Variants in MEIS2 observed in about 807,000 individuals in gnomAD.
MEIS2 encodes homeobox protein Meis2.
In MEIS2, 9 loss-of-function variants were observed where a neutral mutation model predicts 58.6. The ratio of observed to expected loss-of-function variants is 0.15; its 90% confidence interval spans 0.09 to 0.27. MEIS2 has a LOEUF of 0.27. Ranked by LOEUF, MEIS2 falls within the 10% of genes least tolerant of loss-of-function variation. MEIS2 has a pLI of 1.00. For synonymous variants in MEIS2, 221 were observed against 228.4 expected, an observed-to-expected ratio of 0.97 and a Z score of 0.29; for missense variants, 427 against 635.0, an observed-to-expected ratio of 0.67 and a Z score of 3.52.
intron 9 of MEIS2, among the ~76,000 whole-genome samples, chr15:36,940,662 G>A (rs2058343109): frequency 6.6e-6 from 1 of 152,180 alleles, no homozygotes; most frequent in Non-Finnish European, 1.5e-5. Context: ...TGAGAATAGA[G>A]CCAGGGCTCA....
At chr15:36,938,708 T>A (rs895420011) in intron 9 of MEIS2, among the ~76,000 whole-genome samples, 3 of 152,158 alleles carry the variant, frequency 2.0e-5, no homozygotes, top group African/African-American at 7.2e-5. Context: ...TATTTTCAGT[T>A]CACAGGCTTA....
chr15:37,059,634 T>G lies in MEIS2; in HGVS notation c.755-22675A>C, dbSNP rs150652870. Among the ~76,000 whole-genome samples, 276 of 152,082 alleles carry G rather than the reference T, an allele frequency of 1.8e-3. 1 individual carries two copies. The highest frequency in any genetic ancestry group is 6.1e-3 in the African/African-American group (253 of 41,506). ...AGTGTACTGCCTTCTTTTTTTTTTT[T>G]AATTAAAAAATGTACTTTTAGGCAA... On this transcript the variant is annotated intron_variant, in intron 7 of 11. Coordinates refer to ENST00000561208, the MANE Select transcript of MEIS2 (RefSeq NM_170675.5).
chr15:36,944,294 C>T (rs571753003), intron 9 of MEIS2, among the ~76,000 whole-genome samples: 3 of 152,130 alleles, frequency 2.0e-5, no homozygotes, highest in South Asian at 2.1e-4. Flanking sequence ...TCTCTTTCCC[C>T]GCCTTCTTTT....
chr15:37,093,543 A>G, intron 6 of MEIS2, 38 bp downstream of exon 6: 1 of 1,610,480 alleles, frequency 6.2e-7, no homozygotes, highest in South Asian at 1.1e-5. Context: ...TGCTTTGCCC[A>G]GTGGCCTTAA....
chr15:36,998,029 A>C (rs1164898907), intron 8 of MEIS2, among the ~76,000 whole-genome samples: 2 of 152,014 alleles, frequency 1.3e-5, no homozygotes, highest in East Asian at 3.9e-4. Flanking sequence ...TCAAACACTT[A>C]AGGACACTGT....
At chr15:36,969,950 C>G (rs926809391) in intron 8 of MEIS2, among the ~76,000 whole-genome samples, 6 of 151,992 alleles carry the variant, frequency 3.9e-5, no homozygotes, top group Non-Finnish European at 8.8e-5. Context: ...ATACAGGGCC[C>G]TTGTCTTCAA....
intron 3 of MEIS2, chr15:37,095,825 G>T: frequency 1.5e-6 from 1 of 649,030 alleles, no homozygotes; most frequent in Non-Finnish European, 2.6e-6. Context: ...GACCTGGTAC[G>T]ACTAAGCTGT....
At chr15:37,069,544 C>T (rs577222278) in intron 7 of MEIS2, among the ~76,000 whole-genome samples, 1 of 152,268 alleles carries the variant, frequency 6.6e-6, no homozygotes, top group East Asian at 1.9e-4. Context: ...CTCCTTCCCA[C>T]AGCCAAAAGG....
At position 36,917,992 on chromosome 15, in the gene MEIS2, A is replaced by G. The variant is rs1423004983; in HGVS notation, c.978-21306T>C. On this transcript the variant is annotated intron_variant, in intron 9 of 11. Transcript: ENST00000561208. Reference sequence around the variant, plus strand: ...ATTAATAATCTTTGATTGCCTGCAGAAATTCTAGAAGTCACAATTCTTGAT... The same window carrying G: ...ATTAATAATCTTTGATTGCCTGCAGGAATTCTAGAAGTCACAATTCTTGAT... Among the ~76,000 whole-genome samples, 8 of 152,318 alleles carry G rather than the reference A, an allele frequency of 5.3e-5. No individual in the cohort carries two copies. In the East Asian group the frequency reaches 1.5e-3, roughly 29 times the overall value.
chr15:37,092,167 A>G (rs1300276128), intron 6 of MEIS2, among the ~76,000 whole-genome samples: 1 of 152,244 alleles, frequency 6.6e-6, no homozygotes, highest in Non-Finnish European at 1.5e-5. Context: ...AGGAGCCTTC[A>G]ACACCGCAGT....
chr15:36,916,017 ACT>A (rs2057259833), intron 9 of MEIS2, among the ~76,000 whole-genome samples: 1 of 151,982 alleles, frequency 6.6e-6, no homozygotes, highest in Admixed American at 6.6e-5. Context: ...TGTAGTGAAA[ACT>A]CTGGTAGCTA....
At chr15:36,931,798 C>A (rs1373775963) in intron 9 of MEIS2, among the ~76,000 whole-genome samples, 1 of 152,116 alleles carries the variant, frequency 6.6e-6, no homozygotes, top group Non-Finnish European at 1.5e-5. Context: ...ACATTTACAC[C>A]CATATAAAGT....
At chr15:36,993,714 A>G (rs2060376732) in intron 8 of MEIS2, among the ~76,000 whole-genome samples, 1 of 152,188 alleles carries the variant, frequency 6.6e-6, no homozygotes, top group African/African-American at 2.4e-5. Flanking sequence ...AAACTCATGT[A>G]ATCCATTATA....
At chr15:36,906,265 C>A (rs1434858714) in intron 9 of MEIS2, among the ~76,000 whole-genome samples, 1 of 152,010 alleles carries the variant, frequency 6.6e-6, no homozygotes, top group East Asian at 1.9e-4. Flanking sequence ...GAAGATCTTT[C>A]CAAGAGCTAT....
chr15:36,894,011 A>G (rs2056032679), intron 11 of MEIS2, among the ~76,000 whole-genome samples: 1 of 152,232 alleles, frequency 6.6e-6, no homozygotes, highest in South Asian at 2.1e-4. Context: ...TGAAGCTTTA[A>G]AGTCTAATGG....
chr15:36,932,553 G>T (rs2058021553), intron 9 of MEIS2, among the ~76,000 whole-genome samples: 1 of 151,802 alleles, frequency 6.6e-6, no homozygotes, highest in African/African-American at 2.4e-5. Context: ...ATTAGAATAG[G>T]AAGTTTCTTT....
chr15:36,921,566 T>G lies in MEIS2; in HGVS notation c.978-24880A>C, dbSNP rs572820625. ...CTTTCTGCCTCACTGTCGGTCTGTCTTCTCCTGATCCAAAGTGGGAAAGAA... is the reference window on the plus strand; with the variant it reads ...CTTTCTGCCTCACTGTCGGTCTGTCGTCTCCTGATCCAAAGTGGGAAAGAA... On this transcript the variant is annotated intron_variant, in intron 9 of 11. Coordinates refer to ENST00000561208, the MANE Select transcript of MEIS2 (RefSeq NM_170675.5). Among the ~76,000 whole-genome samples the G allele has an allele frequency of 7.9e-5, 12 of 152,354 alleles. No homozygotes were observed. The East Asian group carries it at 2.3e-3, about 29-fold the overall frequency.
At chr15:36,898,606 C>T (rs1037301679) in intron 9 of MEIS2, 1 of 151,178 alleles carries the variant, frequency 6.6e-6, no homozygotes, top group Non-Finnish European at 1.5e-5. Flanking sequence ...GGAGGTTGTT[C>T]CCTTATTTAT....
chr15:36,949,390 T>A (rs1008441026), intron 9 of MEIS2, among the ~76,000 whole-genome samples: 1 of 151,980 alleles, frequency 6.6e-6, no homozygotes, highest in Non-Finnish European at 1.5e-5. Flanking sequence ...CCTGCCTGTA[T>A]CCCACAGATA....
Sources: gnomAD v4.1 joint callset for allele counts (sites outside exome capture counted in the v4.1 genomes callset) on GRCh38, gnomAD v4.1.1 for gene constraint, MANE v1.5 for transcripts, NCBI Gene and HGNC (gene_info 2026-07-23, HGNC 2026-07-21) for gene names.